The following PCDH15 variants were observed in gnomAD, a reference collection of about 807,000 sequenced individuals.
PCDH15 encodes protocadherin-15.
PCDH15 carries 129 observed loss-of-function variants against 178.5 expected under a neutral mutation model. The observed-to-expected ratio is 0.72, with a 90% confidence interval of 0.63 to 0.84. The LOEUF (loss-of-function observed/expected upper bound fraction) is 0.84, where lower values mean the gene tolerates loss of function less well. PCDH15 is among the 40% of genes least tolerant of loss of function. PCDH15 has a pLI of 0.00. For synonymous variants in PCDH15, 800 were observed against 732.0 expected (o/e 1.09, Z -1.50); for missense variants, 2,230 against 2,099.9 (o/e 1.06, Z -1.21).
intron 2 of PCDH15, among the ~76,000 whole-genome samples, chr10:55,385,468 T>A (rs904574097): frequency 6.6e-6 from 1 of 151,964 alleles, no homozygotes; most frequent in African/African-American, 2.4e-5. Flanking sequence ...ACAATTTAGT[T>A]TGGCCCATCA....
intron 2 of PCDH15, among the ~76,000 whole-genome samples, chr10:55,329,002 C>CAT (rs1491408392): frequency 2.3e-5 from 3 of 131,118 alleles, no homozygotes; most frequent in African/African-American, 8.4e-5. Flanking sequence ...ATTCCATTTT[C>CAT]GTGTGTGTGT....
At chr10:55,108,359 G>T (rs148526006) in intron 2 of PCDH15, among the ~76,000 whole-genome samples, 2 of 152,054 alleles carry the variant, frequency 1.3e-5, no homozygotes, top group African/African-American at 4.8e-5. Flanking sequence ...ATAGAGTTAC[G>T]GGTTATGGAT....
At chr10:55,080,162 C>T (rs1160818732) in intron 2 of PCDH15, among the ~76,000 whole-genome samples, 4 of 152,072 alleles carry the variant, frequency 2.6e-5, no homozygotes, top group African/African-American at 9.7e-5. Flanking sequence ...AACCTGTACT[C>T]AGAGGGTGCA....
chr10:54,298,392 G>C (rs2059930552), intron 8 of PCDH15, among the ~76,000 whole-genome samples: 1 of 152,228 alleles, frequency 6.6e-6, no homozygotes, highest in Admixed American at 6.5e-5. Flanking sequence ...GGAAAAGCGA[G>C]ATCAGAGAAA....
intron 2 of PCDH15, among the ~76,000 whole-genome samples, chr10:55,392,585 T>C (rs535010702): frequency 2.6e-5 from 4 of 152,206 alleles, no homozygotes; most frequent in South Asian, 2.1e-4. Context: ...TTGATTTATG[T>C]CCATCAAAAT....
chr10:54,044,781 A>G (rs1034638952), intron 18 of PCDH15, among the ~76,000 whole-genome samples: 105 of 152,270 alleles, frequency 6.9e-4, no homozygotes, highest in African/African-American at 2.5e-3. Flanking sequence ...AAACATCAAA[A>G]TCAGGTAAAC....
At chr10:55,004,525 C>G (rs1012418950) in intron 2 of PCDH15, among the ~76,000 whole-genome samples, 1 of 152,132 alleles carries the variant, frequency 6.6e-6, no homozygotes, top group Non-Finnish European at 1.5e-5. Flanking sequence ...TCTGGAGACA[C>G]CAGACCCCTC....
At chr10:54,307,057 T>C (rs2060549384) in intron 8 of PCDH15, among the ~76,000 whole-genome samples, 1 of 8,854 alleles carries the variant, frequency 1.1e-4, no homozygotes, top group East Asian at 3.5e-3. Flanking sequence ...TATATATATA[T>C]ATATATATAT....
At chr10:55,597,066 T>C (rs114332571) in intron 2 of PCDH15, 5,327 of 152,278 alleles carry the variant, frequency 0.035, 126 homozygotes, top group African/African-American at 0.06. Flanking sequence ...CACGGGAGCA[T>C]TGTCATGCAT....
intron 8 of PCDH15, among the ~76,000 whole-genome samples, chr10:54,301,581 T>C (rs1591676628): frequency 1.3e-5 from 2 of 152,188 alleles, no homozygotes; most frequent in Admixed American, 6.5e-5. Context: ...TTAAAAGGAA[T>C]GGCTTCCTGA....
intron 2 of PCDH15, among the ~76,000 whole-genome samples, chr10:55,555,104 A>G (rs992161707): frequency 1.3e-5 from 2 of 152,136 alleles, no homozygotes; most frequent in Admixed American, 6.6e-5. Context: ...AAAATGATAC[A>G]TTAAAACAAT....
At chr10:55,586,413 AG>A (rs1315591054) in intron 2 of PCDH15, among the ~76,000 whole-genome samples, 1 of 152,112 alleles carries the variant, frequency 6.6e-6, no homozygotes, top group Non-Finnish European at 1.5e-5. Context: ...GCACTAGCCT[AG>A]GCCAGTCTTG....
chr10:54,946,681 C>T (rs76718638), intron 2 of PCDH15, among the ~76,000 whole-genome samples: 4,015 of 151,678 alleles, frequency 0.026, 79 homozygotes, highest in Middle Eastern at 0.072. Context: ...TTGAAGAATC[C>T]GTGCAATGTA....
intron 2 of PCDH15, among the ~76,000 whole-genome samples, chr10:55,048,244 A>T (rs2131984841): frequency 6.6e-6 from 1 of 151,984 alleles, no homozygotes; most frequent in African/African-American, 2.4e-5. Context: ...GTTCAATAGA[A>T]ATAATTATAT....
rs1258279815 is a variant in PCDH15 at position 55,538,984 on chromosome 10, CTT to C, written c.-156+88639_-156+88640del. 8.2e-4 allele frequency among the ~76,000 whole-genome samples: 105 copies of C among 127,352 alleles called. 2 individuals carry two copies. Among genetic ancestry groups the C allele is most frequent in the East Asian group, 1.5e-3 (6 of 3,980 alleles). The allele number at this position is 127,352 out of a possible 152,430, so 83.5% of individuals were successfully genotyped here. On this transcript the variant is annotated intron_variant, in intron 2 of 5. Coordinates refer to the PCDH15 transcript ENST00000613346. ...CCTTCCTTCCTTCCTCCTTTCCTTC[CTT>C]CCTTCCTCCTTTCCTTCCCTCCTCC... is the stretch of plus-strand genomic sequence containing the variant.
intron 1 of PCDH15, among the ~76,000 whole-genome samples, chr10:54,759,962 C>A (rs901649865): frequency 6.6e-6 from 1 of 152,154 alleles, no homozygotes; most frequent in Non-Finnish European, 1.5e-5. Flanking sequence ...TATTTCATGA[C>A]CTTATCCCAT....
At chr10:53,910,621 AG>A (rs1330507729) in intron 25 of PCDH15, among the ~76,000 whole-genome samples, 1 of 152,178 alleles carries the variant, frequency 6.6e-6, no homozygotes. Flanking sequence ...AAAGGATCAC[AG>A]CTCCTCACAA....
chr10:54,114,027 G>A (rs755332152), intron 15 of PCDH15, among the ~76,000 whole-genome samples: 19 of 152,132 alleles, frequency 1.2e-4, no homozygotes, highest in African/African-American at 2.9e-4. Flanking sequence ...GGAAAATCTC[G>A]CCCACATGAT....
intron 2 of PCDH15, among the ~76,000 whole-genome samples, chr10:54,627,441 T>A (rs2093586414): frequency 1.3e-5 from 2 of 152,148 alleles, no homozygotes; most frequent in South Asian, 4.1e-4. Flanking sequence ...TCACGAGATC[T>A]GATGGTTTTA....
Sources: gnomAD v4.1 joint callset for allele counts (sites outside exome capture counted in the v4.1 genomes callset) on GRCh38, gnomAD v4.1.1 for gene constraint, MANE v1.5 for transcripts, NCBI Gene and HGNC (gene_info 2026-07-23, HGNC 2026-07-21) for gene names.